PAFAH2: variants seen among roughly 807,000 people sequenced by gnomAD.
PAFAH2 encodes the protein platelet activating factor acetylhydrolase 2.
In PAFAH2, 42 loss-of-function variants were observed where a neutral mutation model predicts 49.0. The observed-to-expected ratio is 0.86, with a 90% confidence interval of 0.67 to 1.11. PAFAH2 has a LOEUF of 1.11. Among genes scored for constraint, PAFAH2 ranks in the 50% least tolerant of loss-of-function variants. The pLI, the probability that PAFAH2 is intolerant of heterozygous loss-of-function variation, is 0.00. For synonymous variants in PAFAH2, 184 were observed against 181.3 expected (o/e 1.01, Z -0.12); for missense variants, 503 against 501.8 (o/e 1.00, Z -0.02).
chr1:25,980,372 G>A (rs2049664979), intron 7 of PAFAH2, among the ~76,000 whole-genome samples: 1 of 151,784 alleles, frequency 6.6e-6, no homozygotes, highest in Non-Finnish European at 1.5e-5. Context: ...CACCAGGCTG[G>A]AGTACAATGG....
At chr1:25,980,611 T>TTTTTTATATA (rs369555868) in intron 7 of PAFAH2, among the ~76,000 whole-genome samples, 6 of 74,206 alleles carry the variant, frequency 8.1e-5, no homozygotes, top group African/African-American at 1.9e-4. Flanking sequence ...TGGGCCATAT[T>TTTTTTATATA]TATATATATA....
At chr1:25,994,337 C>T (rs2049912270) in intron 1 of PAFAH2, among the ~76,000 whole-genome samples, 1 of 151,990 alleles carries the variant, frequency 6.6e-6, no homozygotes, top group Non-Finnish European at 1.5e-5. Flanking sequence ...CATCATGTTG[C>T]CCAGGCTGGT....
intron 6 of PAFAH2, 100 bp downstream of exon 6, chr1:25,983,842 ATGAC>A: frequency 7.8e-7 from 1 of 1,280,800 alleles, no homozygotes; most frequent in East Asian, 2.3e-5. Context: ...CAGACCCACT[ATGAC>A]TGACATTTCA....
chr1:25,977,249 T>G (rs2049607426), intron 7 of PAFAH2, among the ~76,000 whole-genome samples: 1 of 150,922 alleles, frequency 6.6e-6, no homozygotes, highest in Non-Finnish European at 1.5e-5. Context: ...TCCGCCCGCC[T>G]CGGCCTCCCA....
chr1:25,982,193 C>G (rs968259732), intron 7 of PAFAH2, among the ~76,000 whole-genome samples, 171 bp downstream of exon 7: 3 of 152,132 alleles, frequency 2.0e-5, no homozygotes, highest in African/African-American at 7.2e-5. Context: ...ATGACAATGT[C>G]TGAGACCCTG....
rs539671831 is a variant in PAFAH2 at position 25,976,489 on chromosome 1, T to C, written c.758+193A>G. Among the ~76,000 whole-genome samples the C allele has an allele frequency of 3.3e-5, 5 of 152,278 alleles. No homozygotes were observed. In the East Asian group the frequency reaches 5.8e-4, roughly 18 times the overall value. On this transcript the variant is annotated intron_variant, in intron 8 of 10. Transcript: ENST00000374282. ...TTGGTCATGGGGATTTTATTATCGG[T>C]TGGCTTTTTCACTAGTCTGTCTCCT... is the stretch of plus-strand genomic sequence containing the variant.
At chr1:25,972,271 T>TG (rs1286900185) in intron 10 of PAFAH2, among the ~76,000 whole-genome samples, 2 of 151,648 alleles carry the variant, frequency 1.3e-5, no homozygotes, top group African/African-American at 4.9e-5. Context: ...AATTTTTTTT[T>TG]TTTTTTGGTA....
At chr1:25,981,091 T>C (rs900896692) in intron 7 of PAFAH2, among the ~76,000 whole-genome samples, 2 of 152,062 alleles carry the variant, frequency 1.3e-5, no homozygotes, top group African/African-American at 4.8e-5. Context: ...CAAGACCCTG[T>C]CTCTAAAAAA....
chr1:25,969,479 C>G (rs185987847), intron 10 of PAFAH2, among the ~76,000 whole-genome samples: 95 of 152,310 alleles, frequency 6.2e-4, no homozygotes, highest in African/African-American at 2.2e-3. Flanking sequence ...ATTGGCCAGT[C>G]TAGGTTACAT....
At chr1:25,964,592 C>G (rs371500751) in intron 10 of PAFAH2, among the ~76,000 whole-genome samples, 1 of 152,062 alleles carries the variant, frequency 6.6e-6, no homozygotes, top group Admixed American at 6.6e-5. Context: ...TTTCTATACA[C>G]CAATAACAAT....
chr1:25,964,266 A>T (rs1402694323), intron 10 of PAFAH2: 1 of 152,406 alleles, frequency 6.6e-6, no homozygotes, highest in Non-Finnish European at 1.5e-5. Flanking sequence ...TTGCACAAGG[A>T]TGACATGCAA....
At chr1:25,980,233 T>C (rs760206065) in intron 7 of PAFAH2, among the ~76,000 whole-genome samples, 1 of 152,258 alleles carries the variant, frequency 6.6e-6, no homozygotes. Flanking sequence ...CCTTAGTTTC[T>C]TTCTATGTAA....
chr1:25,969,674 T>C (rs2049477632), intron 10 of PAFAH2, among the ~76,000 whole-genome samples: 1 of 152,178 alleles, frequency 6.6e-6, no homozygotes, highest in African/African-American at 2.4e-5. Context: ...TCAAAAATCT[T>C]CTTTCAGTCT....
chr1:25,962,882 A>G (rs772974471), intron 10 of PAFAH2, among the ~76,000 whole-genome samples: 11 of 151,888 alleles, frequency 7.2e-5, no homozygotes, highest in Non-Finnish European at 1.5e-4. Context: ...GGAGGTTACT[A>G]GGCAAAAAGC....
At chr1:25,964,212 G>A (rs576210311) in intron 10 of PAFAH2, 1 of 152,440 alleles carries the variant, frequency 6.6e-6, no homozygotes, top group Admixed American at 6.5e-5. Context: ...CGCTTTGGCA[G>A]CACATATACT....
chr1:25,966,178 A>G (rs1038154427), intron 10 of PAFAH2, among the ~76,000 whole-genome samples: 1 of 152,208 alleles, frequency 6.6e-6, no homozygotes, highest in African/African-American at 2.4e-5. Flanking sequence ...AGGAATGTAA[A>G]TTAGTACAAC....
At chr1:25,994,527 T>C (rs1057041382) in intron 1 of PAFAH2, among the ~76,000 whole-genome samples, 21 of 152,292 alleles carry the variant, frequency 1.4e-4, no homozygotes, top group African/African-American at 4.3e-4. Context: ...ACAGGGTTGC[T>C]GTGGAAATAA....
intron 9 of PAFAH2, among the ~76,000 whole-genome samples, chr1:25,973,604 A>G (rs1190641813): frequency 1.3e-5 from 2 of 152,166 alleles, no homozygotes; most frequent in Non-Finnish European, 1.5e-5. Context: ...GTCTACTGCC[A>G]TGAAACCTAA....
intron 1 of PAFAH2, among the ~76,000 whole-genome samples, chr1:25,996,423 A>T (rs2049937531): frequency 6.6e-6 from 1 of 151,968 alleles, no homozygotes; most frequent in East Asian, 1.9e-4. Flanking sequence ...GCGGATCAGG[A>T]GGTCAGGAGA....
Sources: allele counts gnomAD v4.1 joint callset (sites outside exome capture counted in the v4.1 genomes callset), GRCh38; gene constraint gnomAD v4.1.1; transcripts MANE v1.5; gene names NCBI Gene and HGNC (gene_info 2026-07-23, HGNC 2026-07-21).